SS18L2: variants seen among roughly 807,000 people sequenced by gnomAD.
SS18L2 encodes the protein SS18 like 2.
Under a neutral mutation model 10.3 loss-of-function variants are expected in SS18L2, and 8 were observed. The ratio of observed to expected loss-of-function variants is 0.78; its 90% confidence interval spans 0.46 to 1.41. The LOEUF (loss-of-function observed/expected upper bound fraction) is 1.41. Ranked by LOEUF, SS18L2 falls within the 40% of genes most tolerant of loss-of-function variation. The probability of loss-of-function intolerance (pLI) is 0.00; values close to 1 mark genes in which losing one functional copy is unlikely to be tolerated. For synonymous variants in SS18L2, 41 were observed against 34.6 expected, an observed-to-expected ratio of 1.19 and a Z score of -0.65; for missense variants, 100 against 96.2, an observed-to-expected ratio of 1.04 and a Z score of -0.17.
rs1299032955 is a variant in SS18L2 at position 42,596,314 on chromosome 3, G to A, written c.*1805G>A. Among the ~76,000 whole-genome samples, 4 of 152,084 alleles carry A rather than the reference G, an allele frequency of 2.6e-5. No individual in the cohort carries two copies. Among genetic ancestry groups the A allele is most frequent in the Non-Finnish European group, 5.9e-5 (4 of 68,006 alleles). ...TGGGATTACAGGCGTAAGCCACCGC[G>A]CCCAGCCGATCATTTCTGTTTTCTA... On this transcript the variant is annotated 3_prime_UTR_variant, in exon 3 of 3. Transcript: ENST00000011691.
chr3:42,590,856 G>T, upstream of SS18L2: 1 of 1,607,990 alleles, frequency 6.2e-7, no homozygotes, highest in Non-Finnish European at 8.5e-7. Flanking sequence ...ACCTATCGTG[G>T]GTCGAGTTGC....
At position 42,595,114 on chromosome 3, in the gene SS18L2, A is replaced by G. The variant is rs1455146327; in HGVS notation, c.*605A>G. ...CAATACTATTATCATTGCCAACAAA[A>G]TGAATAGTGATTTCTAATTATTATC... On this transcript the variant is annotated 3_prime_UTR_variant, in exon 3 of 3. Coordinates refer to ENST00000011691, the MANE Select transcript of SS18L2 (RefSeq NM_001370300.1). 1 of 152,242 alleles carries G rather than the reference A, an allele frequency of 6.6e-6. No individual in the cohort carries two copies. The highest frequency in any genetic ancestry group is 1.5e-5 in the Non-Finnish European group (1 of 68,042). 9.4% of individuals were successfully genotyped at this position (152,242 alleles called of 1,614,324 possible).
rs776899700 is a variant in SS18L2 at position 42,594,524 on chromosome 3, T to C, written c.*15T>C. 1.2e-6 allele frequency: 2 copies of C among 1,605,480 alleles called. No individual in the cohort carries two copies. Among genetic ancestry groups the C allele is most frequent in the Non-Finnish European group, 1.7e-6 (2 of 1,172,636 alleles). On this transcript the variant is annotated 3_prime_UTR_variant, in exon 3 of 3. Coordinates refer to ENST00000011691, the MANE Select transcript of SS18L2 (RefSeq NM_001370300.1). ...CAATGGAATAATCTTTCAAAAGCAA[T>C]AGAATAATCTTCCATTTGGCTGTCG...
chr3:42,591,720 T>G (rs1413935075), intron 2 of SS18L2, 119 bp downstream of exon 2: 4 of 749,944 alleles, frequency 5.3e-6, no homozygotes, highest in Non-Finnish European at 9.3e-6. Flanking sequence ...CTCTTTGAAC[T>G]GAGGAAAGAG....
chr3:42,589,591 C>A (rs1037467108), upstream of SS18L2, among the ~76,000 whole-genome samples: 1 of 152,196 alleles, frequency 6.6e-6, no homozygotes, highest in Non-Finnish European at 1.5e-5. Flanking sequence ...CATTCTGCCC[C>A]CTCAGATCAG....
chr3:42,594,117 T>C (rs1246070757), intron 2 of SS18L2, among the ~76,000 whole-genome samples: 1 of 152,200 alleles, frequency 6.6e-6, no homozygotes, highest in Non-Finnish European at 1.5e-5. Flanking sequence ...TGATTTAAAT[T>C]GTACAGTAAT....
chr3:42,590,480 A>G (rs546573140), upstream of SS18L2, among the ~76,000 whole-genome samples: 3 of 152,128 alleles, frequency 2.0e-5, no homozygotes, highest in Non-Finnish European at 4.4e-5. Flanking sequence ...ACAAAAAATT[A>G]GACGGGCGTG....
chr3:42,581,979 G>C (rs1277633506), intron 1 of SS18L2: 1 of 152,446 alleles, frequency 6.6e-6, no homozygotes, highest in Non-Finnish European at 1.5e-5. Flanking sequence ...GTGCGCGTGC[G>C]CGAGTCTTGA....
At chr3:42,589,981 CTAAAGCCAGGCTGCCCG>C (rs1292477730), upstream of SS18L2, among the ~76,000 whole-genome samples, 1 of 152,204 alleles carries the variant, frequency 6.6e-6, no homozygotes, top group Non-Finnish European at 1.5e-5. Context: ...GGTGAGAGTT[CTAAAGCCAGGCTGCCCG>C]TATTCAGAGA....
chr3:42,594,581 C>A lies in SS18L2; in HGVS notation c.*72C>A. 1 of 1,324,948 alleles carries A rather than the reference C, an allele frequency of 7.5e-7. No homozygotes were observed. The highest frequency in any genetic ancestry group is 1.1e-6 in the Non-Finnish European group (1 of 927,936). The allele number at this position is 1,324,948 out of a possible 1,614,324, so 82.1% of individuals were successfully genotyped here. The stretch of plus-strand genomic sequence containing the variant: ...GTAATTGAATGTAATCCATCTCTTA[C>A]AAAATGGAGACAGGGTCTTTACCAA... On this transcript the variant is annotated 3_prime_UTR_variant, in exon 3 of 3. Coordinates refer to ENST00000011691, the MANE Select transcript of SS18L2 (RefSeq NM_001370300.1).
At chr3:42,594,344 G>A in intron 2 of SS18L2, 78 bp from the exon 3 acceptor site, 1 of 1,094,136 alleles carries the variant, frequency 9.1e-7, no homozygotes, top group Non-Finnish European at 1.4e-6. Flanking sequence ...CCACTAGAGT[G>A]GGTAAATTAT....
In SS18L2 at chr3:42,590,883, C is replaced by T. The variant is rs767398659; in HGVS notation, c.-15C>T. 2 of 1,549,172 alleles carry T rather than the reference C, an allele frequency of 1.3e-6. No individual in the cohort carries two copies. Among genetic ancestry groups the T allele is most frequent in the East Asian group, 2.6e-5 (1 of 39,178 alleles). ...TCGAGTTGCTTGGCGGTCGTGGTTC[C>T]GGAGGTTCCTCGGGATGTCGGTGGC... On this transcript the variant is annotated 5_prime_UTR_variant, in exon 1 of 3. Transcript: ENST00000011691.
At chr3:42,590,749 T>C (rs984394406), upstream of SS18L2, 16 of 835,072 alleles carry the variant, frequency 1.9e-5, no homozygotes, top group African/African-American at 1.5e-4. Flanking sequence ...AGGAAAGCGC[T>C]GAGTATAGCT....
chr3:42,584,088 G>C (rs3886782), intron 1 of SS18L2, among the ~76,000 whole-genome samples: 5,045 of 152,214 alleles, frequency 0.033, 136 homozygotes, highest in East Asian at 0.11. Context: ...ATAACTATGT[G>C]AGCCAGTTCC....
upstream of SS18L2, among the ~76,000 whole-genome samples, chr3:42,586,241 G>T (rs989306107): frequency 1.3e-5 from 2 of 151,928 alleles, no homozygotes; most frequent in Admixed American, 1.3e-4. Flanking sequence ...TGTTGTTGTT[G>T]TTGAGACAGA....
In SS18L2 at chr3:42,594,486, AG is replaced by A; in HGVS notation, c.212del (p.Ser71ThrfsTer15). 1 of 1,614,000 alleles carries A rather than the reference AG, an allele frequency of 6.2e-7. No individual in the cohort carries two copies. Among genetic ancestry groups the A allele is most frequent in the Non-Finnish European group, 8.5e-7 (1 of 1,179,858 alleles). On this transcript the variant is annotated frameshift_variant, in exon 3 of 3. Transcript: ENST00000011691. LOFTEE classifies it high-confidence loss of function. ...LATIADASPTSTSKAME is the reference protein window; with the variant it reads ...LATIADASPTXTSKAME ...TACCATTGCAGATGCCAGTCCAACC[AG>A]CACTTCAAAAGCAATGGAATAATCT...
At chr3:42,584,254 C>A (rs2125734511) in intron 1 of SS18L2, among the ~76,000 whole-genome samples, 1 of 152,236 alleles carries the variant, frequency 6.6e-6, no homozygotes, top group Admixed American at 6.5e-5. Context: ...GAGGTCTGGG[C>A]TGAACACAGA....
intron 2 of SS18L2, among the ~76,000 whole-genome samples, chr3:42,593,281 G>A (rs544410781): frequency 5.3e-5 from 8 of 152,206 alleles, no homozygotes; most frequent in East Asian, 1.9e-4. Flanking sequence ...TTAGCCAGGC[G>A]TGGTGTGTGC....
rs891713944 is a variant in SS18L2, at chr3:42,595,297, C to A, written c.*788C>A. The stretch of plus-strand genomic sequence containing the variant: ...AGAATACTTAATAGTTCCTTTTTTT[C>A]TTTATTTGTTGAAATAACTAGGTGT... On this transcript the variant is annotated 3_prime_UTR_variant, in exon 3 of 3. Coordinates refer to ENST00000011691, the MANE Select transcript of SS18L2 (RefSeq NM_001370300.1). Among the ~76,000 whole-genome samples, 1 of 151,580 alleles carries A rather than the reference C, an allele frequency of 6.6e-6. No individual in the cohort carries two copies. Among genetic ancestry groups the A allele is most frequent in the African/African-American group, 2.4e-5 (1 of 41,282 alleles).
Sources: gnomAD v4.1 joint callset for allele counts (sites outside exome capture counted in the v4.1 genomes callset) on GRCh38, gnomAD v4.1.1 for gene constraint, MANE v1.5 for transcripts, NCBI Gene and HGNC (gene_info 2026-07-23, HGNC 2026-07-21) for gene names.